MAST4: variants seen among roughly 807,000 people sequenced by gnomAD.
MAST4 encodes microtubule associated serine/threonine kinase family member 4.
A neutral mutation model predicts 162.7 loss-of-function variants in MAST4; 89 were observed. The ratio of observed to expected loss-of-function variants is 0.55; its 90% CI spans 0.46 to 0.65. The LOEUF is 0.65. Among genes scored for constraint, MAST4 ranks in the 30% least tolerant of loss-of-function variants. The pLI is 0.00. For missense variants in MAST4, 3,153 were observed against 3,374.0 expected, an observed-to-expected ratio of 0.93 and a Z score of 1.62; for synonymous variants, 1,479 against 1,361.1, an observed-to-expected ratio of 1.09 and a Z score of -1.91.
chr5:66,744,507 T>C (rs994762247), intron 1 of MAST4, among the ~76,000 whole-genome samples: 1 of 152,206 alleles, frequency 6.6e-6, no homozygotes, highest in Non-Finnish European at 1.5e-5. Context: ...GAGTAATTTA[T>C]AAGGAAAAGA....
intron 4 of MAST4, chr5:66,930,842 A>C: frequency 2.1e-6 from 1 of 468,012 alleles, no homozygotes; most frequent in African/African-American, 2.0e-5. Context: ...CCTTTGAGGA[A>C]GGAGAAGCAG....
chr5:67,134,622 TTTC>T lies in MAST4; in HGVS notation c.2328_2330del (p.Phe776del). The T allele has an allele frequency of 6.2e-7, 1 of 1,613,762 alleles. No individual in the cohort carries two copies. Among genetic ancestry groups the T allele is most frequent in the Non-Finnish European group, 8.5e-7 (1 of 1,179,746 alleles). ...GGCCATGGGGATTATCCTCTATGAA[TTTC>T]TGGTTGGATGCGTGCCATTCTTTGG... On this transcript the variant is annotated inframe_deletion, in exon 18 of 29. Transcript: ENST00000403625.
rs113082473 is a variant in MAST4, at chr5:66,816,528, C to A, written c.642+27734C>A. On this transcript the variant is annotated intron_variant, in intron 3 of 28. Transcript: ENST00000403625. ...GTAAGCAGAAGGAAATTATACTCTG[C>A]GAACCTGGAAAGAGAAAGGGACAGA... Among the ~76,000 whole-genome samples the A allele has an allele frequency of 6.1e-3, 924 of 152,226 alleles. 14 individuals are homozygous for A. The highest frequency in any genetic ancestry group is 0.021 in the African/African-American group (883 of 41,542).
intron 3 of MAST4, among the ~76,000 whole-genome samples, chr5:66,837,591 C>T (rs750064102): frequency 1.1e-4 from 17 of 151,828 alleles, no homozygotes; most frequent in Admixed American, 5.3e-4. Flanking sequence ...ACCCTTAGGA[C>T]GTGGTTCACC....
chr5:66,913,921 C>A (rs1763938076), intron 4 of MAST4, among the ~76,000 whole-genome samples: 2 of 152,146 alleles, frequency 1.3e-5, no homozygotes, highest in South Asian at 4.1e-4. Context: ...ATGCTTTGAA[C>A]TTTTGTCAAA....
chr5:66,723,225 A>G (rs1306504675), intron 1 of MAST4, among the ~76,000 whole-genome samples: 3 of 152,186 alleles, frequency 2.0e-5, no homozygotes, highest in Non-Finnish European at 2.9e-5. Flanking sequence ...AGTTCTTGGA[A>G]GCCCTTGTCC....
At chr5:66,868,739 A>G (rs1760716055) in intron 3 of MAST4, among the ~76,000 whole-genome samples, 1 of 152,148 alleles carries the variant, frequency 6.6e-6, no homozygotes, top group African/African-American at 2.4e-5. Context: ...GTTCATTACA[A>G]GCAGACTATT....
At chr5:66,622,262 C>T (rs1744123522) in intron 1 of MAST4, among the ~76,000 whole-genome samples, 1 of 152,034 alleles carries the variant, frequency 6.6e-6, no homozygotes, top group Admixed American at 6.5e-5. Flanking sequence ...ACAGCAAGTG[C>T]AAAGGCCCTG....
chr5:67,110,925 G>C (rs1431855569), intron 11 of MAST4, among the ~76,000 whole-genome samples: 2 of 152,180 alleles, frequency 1.3e-5, no homozygotes, highest in Non-Finnish European at 2.9e-5. Context: ...TTGGGAGGCT[G>C]AGGCAGGAGA....
At chr5:67,097,965 C>A (rs566256553) in intron 7 of MAST4, among the ~76,000 whole-genome samples, 24 of 152,182 alleles carry the variant, frequency 1.6e-4, no homozygotes, top group African/African-American at 5.3e-4. Flanking sequence ...CTGTGTAAAA[C>A]TTCTTAGTAG....
chr5:66,661,073 C>T (rs948924836), intron 1 of MAST4, among the ~76,000 whole-genome samples: 3 of 152,156 alleles, frequency 2.0e-5, no homozygotes, highest in Non-Finnish European at 2.9e-5. Flanking sequence ...CTCTGATCCT[C>T]TAGGCATCCC....
chr5:66,684,105 A>G (rs1748490978), intron 1 of MAST4, among the ~76,000 whole-genome samples: 1 of 152,188 alleles, frequency 6.6e-6, no homozygotes, highest in Non-Finnish European at 1.5e-5. Flanking sequence ...GTAGAGTGAG[A>G]GGATGTTTAA....
At chr5:66,830,420 A>T (rs1561361719) in intron 3 of MAST4, among the ~76,000 whole-genome samples, 1 of 152,144 alleles carries the variant, frequency 6.6e-6, no homozygotes, top group Non-Finnish European at 1.5e-5. Context: ...TAATGGAGCT[A>T]TTTTCTATTT....
At chr5:67,098,645 T>C (rs1764705543) in intron 7 of MAST4, among the ~76,000 whole-genome samples, 1 of 152,188 alleles carries the variant, frequency 6.6e-6, no homozygotes, top group Admixed American at 6.5e-5. Flanking sequence ...AATGATATCA[T>C]GACTCAGAAC....
At chr5:66,705,548 C>A (rs1187362379) in intron 1 of MAST4, among the ~76,000 whole-genome samples, 2 of 152,176 alleles carry the variant, frequency 1.3e-5, no homozygotes, top group African/African-American at 2.4e-5. Flanking sequence ...TCCCCTGAGT[C>A]TACTTTGACA....
At chr5:67,101,680 C>G (rs944290160) in intron 8 of MAST4, among the ~76,000 whole-genome samples, 1 of 152,016 alleles carries the variant, frequency 6.6e-6, no homozygotes. Context: ...TTTGTCTTTA[C>G]TTAGTCTCAT....
chr5:67,122,578 G>A (rs1015279767), intron 14 of MAST4, among the ~76,000 whole-genome samples: 3 of 152,084 alleles, frequency 2.0e-5, no homozygotes, highest in African/African-American at 7.2e-5. Flanking sequence ...TACACTTTTG[G>A]AAATGACCTG....
chr5:66,731,373 G>T (rs936309180), intron 1 of MAST4, among the ~76,000 whole-genome samples: 1 of 152,154 alleles, frequency 6.6e-6, no homozygotes, highest in Admixed American at 6.5e-5. Context: ...TTTCTTGGGA[G>T]TTTGCTCGAT....
chr5:66,671,227 C>T (rs4304049), intron 1 of MAST4, among the ~76,000 whole-genome samples: 38,880 of 152,040 alleles, frequency 0.26, 5,139 homozygotes, highest in East Asian at 0.3. Flanking sequence ...TTCTATTTCA[C>T]TTGGCAAGGG....
Sources: allele counts gnomAD v4.1 joint callset (sites outside exome capture counted in the v4.1 genomes callset), GRCh38; gene constraint gnomAD v4.1.1; transcripts MANE v1.5; gene names NCBI Gene and HGNC (gene_info 2026-07-23, HGNC 2026-07-21).